UQCC1: variants seen among roughly 807,000 people sequenced by gnomAD.
UQCC1 encodes the protein bFGF-repressed Zic-binding protein.
A neutral mutation model predicts 48.0 loss-of-function variants in UQCC1; 38 were observed. The ratio of observed to expected loss-of-function variants is 0.79; its 90% confidence interval spans 0.61 to 1.04. The LOEUF (loss-of-function observed/expected upper bound fraction) is 1.04, where lower values mean the gene tolerates loss of function less well. Ranked by LOEUF, UQCC1 falls within the 50% of genes least tolerant of loss-of-function variation. The probability of loss-of-function intolerance (pLI) is 0.00; values close to 1 mark genes in which losing one functional copy is unlikely to be tolerated. For missense variants in UQCC1, 368 were observed against 381.8 expected, an observed-to-expected ratio of 0.96 and a Z score of 0.30; for synonymous variants, 111 against 129.2, an observed-to-expected ratio of 0.86 and a Z score of 0.95.
At chr20:35,320,389 AG>A (rs1281013961) in intron 7 of UQCC1, among the ~76,000 whole-genome samples, 3 of 152,242 alleles carry the variant, frequency 2.0e-5, no homozygotes, top group Admixed American at 1.3e-4. Flanking sequence ...GGAAAGTTAA[AG>A]CTAGACAGCT....
rs563692161 is a variant in UQCC1 at position 35,408,301 on chromosome 20, C to T, written c.24+3639G>A. On this transcript the variant is annotated intron_variant, in intron 1 of 9. Coordinates refer to ENST00000374385, the MANE Select transcript of UQCC1 (RefSeq NM_018244.5). Reference sequence around the variant, plus strand: ...AAAACTAGCTGGGTGTGTTGGCACACACCTGTAGTCCCAGCTACTCGGGAG... The same window carrying T: ...AAAACTAGCTGGGTGTGTTGGCACATACCTGTAGTCCCAGCTACTCGGGAG... Among the ~76,000 whole-genome samples the T allele has an allele frequency of 5.9e-5, 9 of 151,862 alleles. No homozygotes were observed. In the South Asian group the frequency reaches 1.7e-3, roughly 28 times the overall value.
At position 35,346,799 on chromosome 20, in the gene UQCC1, A is replaced by G. The variant is rs985799174; in HGVS notation, c.573+365T>C. ...GGGCCTCCCATCAGAACTAATTTAT[A>G]GAAGGACTGGTTCAAATATTGAACT... On this transcript the variant is annotated intron_variant, in intron 7 of 9. Transcript: ENST00000374385. 1.8e-5 allele frequency: 10 copies of G among 569,968 alleles called. No individual in the cohort carries two copies. In the African/African-American group the frequency reaches 1.9e-4, roughly 11 times the overall value. 35.3% of individuals were successfully genotyped at this position (569,968 alleles called of 1,614,324 possible).
intron 6 of UQCC1, among the ~76,000 whole-genome samples, chr20:35,361,576 T>C (rs1034857341): frequency 6.6e-6 from 1 of 152,196 alleles, no homozygotes; most frequent in African/African-American, 2.4e-5. Flanking sequence ...AGTAGGTACT[T>C]TAGTATTAAT....
Position 35,352,823 on chromosome 20 carries a change from C to T in UQCC1, c.465-5551G>A, listed in dbSNP as rs151151491. Among the ~76,000 whole-genome samples the T allele has an allele frequency of 3.5e-3, 527 of 152,250 alleles. 1 individual carries two copies. The highest frequency in any genetic ancestry group is 4.9e-3 in the Non-Finnish European group (330 of 68,028). On this transcript the variant is annotated intron_variant, in intron 6 of 9. Transcript: ENST00000374385. ...TCGGCATCCTAAGTAGCTAGGACTA[C>T]GGGTGCACGCCACTGAGCCCGGCTA... is the stretch of plus-strand genomic sequence containing the variant.
At chr20:35,374,573 T>C (rs566876343) in intron 4 of UQCC1, among the ~76,000 whole-genome samples, 1 of 152,188 alleles carries the variant, frequency 6.6e-6, no homozygotes, top group African/African-American at 2.4e-5. Context: ...TTCAGCATTA[T>C]CCACATTAAC....
chr20:35,310,702 T>TTC (rs2060981754), intron 8 of UQCC1, among the ~76,000 whole-genome samples: 1 of 146,068 alleles, frequency 6.8e-6, no homozygotes, highest in African/African-American at 2.5e-5. Flanking sequence ...GATTTTTTTT[T>TTC]TTTTTTTTGA....
At chr20:35,320,853 A>T (rs965303625) in intron 7 of UQCC1, among the ~76,000 whole-genome samples, 8 of 152,236 alleles carry the variant, frequency 5.3e-5, no homozygotes, top group Admixed American at 5.2e-4. Flanking sequence ...ATGAATGACA[A>T]AGGACAGCTA....
chr20:35,336,672 G>C (rs1235627893), intron 7 of UQCC1, among the ~76,000 whole-genome samples: 1 of 152,114 alleles, frequency 6.6e-6, no homozygotes, highest in Non-Finnish European at 1.5e-5. Flanking sequence ...TACTGTAAGA[G>C]AATAAATTTT....
intron 7 of UQCC1, among the ~76,000 whole-genome samples, chr20:35,323,744 G>T (rs1186586954): frequency 3.3e-5 from 5 of 152,188 alleles, no homozygotes; most frequent in Non-Finnish European, 7.3e-5. Flanking sequence ...GCCTCAATGG[G>T]TCAGTAGATC....
intron 6 of UQCC1, among the ~76,000 whole-genome samples, chr20:35,363,612 C>A (rs1278378671): frequency 1.3e-5 from 2 of 152,188 alleles, no homozygotes; most frequent in African/African-American, 4.8e-5. Context: ...TTCTAAGAGT[C>A]AACAGGGAAC....
At chr20:35,382,937 T>C (rs549461439) in intron 3 of UQCC1, among the ~76,000 whole-genome samples, 6 of 152,294 alleles carry the variant, frequency 3.9e-5, no homozygotes, top group Non-Finnish European at 8.8e-5. Flanking sequence ...TTAACCCATA[T>C]CTAGCAGATG....
At chr20:35,407,359 C>T (rs2062267402) in intron 1 of UQCC1, among the ~76,000 whole-genome samples, 2 of 151,234 alleles carry the variant, frequency 1.3e-5, no homozygotes, top group African/African-American at 2.4e-5. Flanking sequence ...ACCTGGGAGG[C>T]AGGGGCTGCA....
intron 4 of UQCC1, among the ~76,000 whole-genome samples, chr20:35,379,660 G>T (rs868056353): frequency 1.2e-4 from 19 of 152,112 alleles, no homozygotes; most frequent in African/African-American, 4.3e-4. Flanking sequence ...ACAAAAGTCA[G>T]CCAGGTGTGG....
At chr20:35,332,206 C>G (rs758092059) in intron 7 of UQCC1, among the ~76,000 whole-genome samples, 1 of 152,202 alleles carries the variant, frequency 6.6e-6, no homozygotes. Context: ...GGGGAATGGC[C>G]TGTTTCCTGG....
chr20:35,331,841 T>C (rs951996870), intron 7 of UQCC1, among the ~76,000 whole-genome samples: 9 of 152,320 alleles, frequency 5.9e-5, no homozygotes, highest in Middle Eastern at 3.4e-3. Context: ...TGACAGCTTA[T>C]GCTAGGTGCT....
chr20:35,404,868 G>T (rs907290566), intron 1 of UQCC1, among the ~76,000 whole-genome samples: 1 of 152,158 alleles, frequency 6.6e-6, no homozygotes, highest in African/African-American at 2.4e-5. Flanking sequence ...GTGATTAACA[G>T]GTGGAGAAAA....
At chr20:35,409,660 T>A (rs2062314181) in intron 1 of UQCC1, among the ~76,000 whole-genome samples, 1 of 152,176 alleles carries the variant, frequency 6.6e-6, no homozygotes, top group Non-Finnish European at 1.5e-5. Context: ...TGATCAAATG[T>A]CCAGGCTCTC....
chr20:35,314,646 G>T, intron 8 of UQCC1, 42 bp downstream of exon 8: 4 of 1,545,522 alleles, frequency 2.6e-6, no homozygotes, highest in Non-Finnish European at 3.6e-6. Flanking sequence ...CCTTTGCTGG[G>T]GGAGGCCACC....
intron 8 of UQCC1, among the ~76,000 whole-genome samples, chr20:35,311,402 C>CTGTT (rs922112625): frequency 2.0e-5 from 3 of 152,206 alleles, no homozygotes; most frequent in Admixed American, 2.0e-4. Flanking sequence ...GACTATGGAA[C>CTGTT]TGTTCTGTAT....
Sources: allele counts gnomAD v4.1 joint callset (sites outside exome capture counted in the v4.1 genomes callset), GRCh38; gene constraint gnomAD v4.1.1; transcripts MANE v1.5; gene names NCBI Gene and HGNC (gene_info 2026-07-23, HGNC 2026-07-21).